Variants in TOX2 observed in about 807,000 individuals in gnomAD.
The protein encoded by TOX2 is granulosa cell HMG box 1.
Under a neutral mutation model 47.4 loss-of-function variants are expected in TOX2, and 15 were observed. That is an observed-to-expected ratio of 0.32 (90% CI 0.21 to 0.49). TOX2 has a LOEUF of 0.49. TOX2 is among the 20% of genes least tolerant of loss of function. The probability of loss-of-function intolerance (pLI) is 0.99; values close to 1 mark genes in which losing one functional copy is unlikely to be tolerated. For synonymous variants in TOX2, 290 were observed against 296.6 expected (o/e 0.98, Z 0.23); for missense variants, 622 against 673.1 (o/e 0.92, Z 0.84).
At chr20:43,976,512 T>C (rs2070079168) in intron 2 of TOX2, among the ~76,000 whole-genome samples, 1 of 152,222 alleles carries the variant, frequency 6.6e-6, no homozygotes, top group Non-Finnish European at 1.5e-5. Flanking sequence ...AGGACCAGCC[T>C]AGATCAAGGA....
intron 1 of TOX2, among the ~76,000 whole-genome samples, chr20:43,968,749 GAATTAT>G (rs2069906695): frequency 6.6e-6 from 1 of 152,208 alleles, no homozygotes; most frequent in Non-Finnish European, 1.5e-5. Flanking sequence ...ATGGGAAAAG[GAATTAT>G]AATTAGAATA....
At chr20:44,034,643 G>A (rs971454539) in intron 3 of TOX2, among the ~76,000 whole-genome samples, 2 of 152,194 alleles carry the variant, frequency 1.3e-5, no homozygotes, top group Non-Finnish European at 2.9e-5. Flanking sequence ...CAACTTCTGG[G>A]TCTCTGTCAC....
Position 43,928,914 on chromosome 20 carries a change from C to T in TOX2, c.99+13924C>T, listed in dbSNP as rs529269999. ...CTTTGGGAGGCAGAGGCGGGTGGAT[C>T]ATTCGAGGTCAGGAGTTCAAGACCA... On this transcript the variant is annotated intron_variant, in intron 1 of 8. Coordinates refer to ENST00000341197, the MANE Select transcript of TOX2 (RefSeq NM_001098797.2). 2.4e-4 allele frequency among the ~76,000 whole-genome samples: 34 copies of T among 144,190 alleles called. No individual in the cohort carries two copies. The East Asian group carries it at 5.1e-3, about 22-fold the overall frequency. 94.6% of individuals were successfully genotyped at this position (144,190 alleles called of 152,430 possible).
At chr20:44,038,934 C>T (rs1250432577) in intron 3 of TOX2, 1 of 1,182,628 alleles carries the variant, frequency 8.5e-7, no homozygotes, top group Non-Finnish European at 1.1e-6. Context: ...ACAGCCGCCT[C>T]GTTCCTGCTG....
At chr20:44,004,954 A>G (rs2070652925) in intron 2 of TOX2, among the ~76,000 whole-genome samples, 1 of 152,208 alleles carries the variant, frequency 6.6e-6, no homozygotes, top group Admixed American at 6.5e-5. Flanking sequence ...TAGAAGGAAG[A>G]TATTGAATGT....
chr20:43,952,099 C>T (rs181982218), intron 1 of TOX2, among the ~76,000 whole-genome samples: 1,530 of 151,952 alleles, frequency 0.01, 26 homozygotes, highest in African/African-American at 0.033. Flanking sequence ...GATGGGGTTT[C>T]ACCATGTTAG....
chr20:43,984,188 A>T (rs1336588454), intron 2 of TOX2, among the ~76,000 whole-genome samples: 2 of 152,246 alleles, frequency 1.3e-5, no homozygotes, highest in Non-Finnish European at 2.9e-5. Context: ...TATTAAAGCC[A>T]CAAACATCAC....
chr20:43,997,667 G>A (rs1338791523), intron 2 of TOX2, among the ~76,000 whole-genome samples: 5 of 151,562 alleles, frequency 3.3e-5, no homozygotes, highest in African/African-American at 4.9e-5. Flanking sequence ...ACAGACTTTC[G>A]GTTTATTTTG....
In TOX2 at chr20:43,973,795, G is replaced by A. The variant is rs141714199; in HGVS notation, c.165+363G>A. Among the ~76,000 whole-genome samples, 290 of 152,332 alleles carry A rather than the reference G, an allele frequency of 1.9e-3. 4 individuals carry two copies. Among genetic ancestry groups the A allele is most frequent in the African/African-American group, 6.7e-3 (277 of 41,566 alleles). On this transcript the variant is annotated intron_variant, in intron 2 of 8. Coordinates refer to ENST00000341197, the MANE Select transcript of TOX2 (RefSeq NM_001098797.2). ...CACCACACAGCACCCACGGGGACAT[G>A]TTCTGGTTTGGATGCACACATGCCC...
intron 2 of TOX2, among the ~76,000 whole-genome samples, chr20:44,005,923 G>C (rs2070671686): frequency 6.6e-6 from 1 of 151,974 alleles, no homozygotes; most frequent in Non-Finnish European, 1.5e-5. Context: ...GAGGTTCCTG[G>C]ACAGTTTGGC....
intron 3 of TOX2, among the ~76,000 whole-genome samples, chr20:44,014,797 G>C (rs1569097172): frequency 6.6e-6 from 1 of 152,172 alleles, no homozygotes. Context: ...CTCTAAGTTT[G>C]TCCGGGCTGA....
chr20:44,066,945 A>G (rs1040867514), intron 8 of TOX2, 88 bp downstream of exon 8: 82 of 1,540,756 alleles, frequency 5.3e-5, no homozygotes, highest in Non-Finnish European at 8.8e-6. Context: ...GCCAAGGGCA[A>G]CGTGGACAGG....
In TOX2 at chr20:43,976,612, T is replaced by C. The variant is rs544131579; in HGVS notation, c.165+3180T>C. ...TACCACATGTAGGAAACATATGGGA[T>C]ATGATTCATGATGATTTTGTTGAAA... On this transcript the variant is annotated intron_variant, in intron 2 of 8. Coordinates refer to ENST00000341197, the MANE Select transcript of TOX2 (RefSeq NM_001098797.2). Among the ~76,000 whole-genome samples the C allele has an allele frequency of 2.0e-5, 3 of 152,354 alleles. No homozygotes were observed. The South Asian group carries it at 6.2e-4, about 32-fold the overall frequency.
chr20:44,068,746 T>G lies in TOX2; in HGVS notation c.*60T>G. On this transcript the variant is annotated 3_prime_UTR_variant, in exon 9 of 9. Coordinates refer to ENST00000341197, the MANE Select transcript of TOX2 (RefSeq NM_001098797.2). Reference sequence around the variant, plus strand: ...AGGCACTGCTCAGAGCCTGAAGGGCTGACAGCAGAAAAGAGGCCCTGGCCA... The same window carrying G: ...AGGCACTGCTCAGAGCCTGAAGGGCGGACAGCAGAAAAGAGGCCCTGGCCA... The G allele has an allele frequency of 1.2e-6, 2 of 1,609,412 alleles. No individual in the cohort carries two copies. The highest frequency in any genetic ancestry group is 1.7e-6 in the Non-Finnish European group (2 of 1,176,984).
chr20:43,928,045 A>G (rs1275983770), intron 1 of TOX2, among the ~76,000 whole-genome samples: 1 of 152,166 alleles, frequency 6.6e-6, no homozygotes, highest in Non-Finnish European at 1.5e-5. Context: ...AGAGGAAGGG[A>G]CACTTGCCTG....
chr20:43,955,447 G>GTT (rs2069651057), intron 1 of TOX2, among the ~76,000 whole-genome samples: 1 of 152,228 alleles, frequency 6.6e-6, no homozygotes, highest in African/African-American at 2.4e-5. Context: ...AGGGGCAGGG[G>GTT]TTAAAGCTTA....
At chr20:44,053,540 CTATA>C (rs1491416430) in intron 4 of TOX2, among the ~76,000 whole-genome samples, 3 of 47,198 alleles carry the variant, frequency 6.4e-5, no homozygotes, top group South Asian at 7.2e-4. Context: ...TACATATATA[CTATA>C]TATATACATA....
chr20:44,037,989 C>T (rs942972122), intron 3 of TOX2, among the ~76,000 whole-genome samples: 1 of 152,040 alleles, frequency 6.6e-6, no homozygotes, highest in Non-Finnish European at 1.5e-5. Flanking sequence ...ACCAAAATGC[C>T]GATAATGATA....
At chr20:43,993,400 G>T (rs112648559) in intron 2 of TOX2, among the ~76,000 whole-genome samples, 265 of 152,264 alleles carry the variant, frequency 1.7e-3, no homozygotes, top group Non-Finnish European at 2.9e-3. Flanking sequence ...ATGGATTGTG[G>T]TGGGAAGATT....
Sources: gnomAD v4.1 joint callset for allele counts (sites outside exome capture counted in the v4.1 genomes callset) on GRCh38, gnomAD v4.1.1 for gene constraint, MANE v1.5 for transcripts, NCBI Gene and HGNC (gene_info 2026-07-23, HGNC 2026-07-21) for gene names.